NCR1: variants seen among roughly 807,000 people sequenced by gnomAD.
NCR1 encodes natural cytotoxicity triggering receptor 1, also known as NK cell-activating receptor.
Under a neutral mutation model 32.5 loss-of-function variants are expected in NCR1, and 30 were observed. The ratio of observed to expected loss-of-function variants is 0.92; its 90% CI spans 0.69 to 1.25. The LOEUF is 1.25. Among genes scored for constraint, NCR1 ranks in the 50% most tolerant of loss-of-function variants. The pLI, the probability that NCR1 is intolerant of heterozygous loss-of-function variation, is 0.00. For missense variants in NCR1, 369 were observed against 380.7 expected (o/e 0.97, Z 0.26); for synonymous variants, 169 against 143.4 (o/e 1.18, Z -1.28).
At chr19:54,935,488 G>GA in the NCR1 span, among the ~76,000 whole-genome samples, 1 of 152,092 alleles carries the variant, frequency 6.6e-6, no homozygotes, top group African/African-American at 2.4e-5. Context: ...TTGAGGTCAG[G>GA]AGTTCGAGAC....
At position 54,912,217 on chromosome 19, in the gene NCR1, A is replaced by G. The variant is rs755217346; in HGVS notation, c.732A>G (p.Lys244=). 6.2e-7 allele frequency: 1 copy of G among 1,613,784 alleles called. No individual in the cohort carries two copies. The highest frequency in any genetic ancestry group is 1.1e-5 in the South Asian group (1 of 91,072). ...YLLTTETGLQ[K]DHALWDHTAQ... ...TAACCACAGAGACGGGACTCCAGAA[A>G]GGTAAGTAGACAGCTGGGGCCATAG... The change falls in exon 6 of 7, where the codon AAA becomes AAG. Residue 244 remains lysine, a splice_region_variant and synonymous_variant. Transcript: ENST00000291890.
chr19:54,903,556 A>G (rs897528045), upstream of NCR1, among the ~76,000 whole-genome samples: 30 of 143,640 alleles, frequency 2.1e-4, 1 homozygote, highest in African/African-American at 5.5e-4. Flanking sequence ...ATGTGTGTAT[A>G]TATACATATA....
intron 5 of NCR1, among the ~76,000 whole-genome samples, chr19:54,910,690 C>T (rs1356355458): frequency 6.6e-6 from 1 of 152,160 alleles, no homozygotes; most frequent in Non-Finnish European, 1.5e-5. Context: ...CACTTAGATT[C>T]TAGCAGGAGG....
chr19:54,936,833 T>G, the NCR1 span, among the ~76,000 whole-genome samples: 2 of 151,920 alleles, frequency 1.3e-5, no homozygotes, highest in Admixed American at 6.6e-5. Flanking sequence ...GAGAATCACT[T>G]GAATCCAGGA....
the NCR1 span, among the ~76,000 whole-genome samples, chr19:54,924,212 T>C: frequency 2.6e-5 from 4 of 152,040 alleles, no homozygotes; most frequent in Admixed American, 2.6e-4. Flanking sequence ...AAGTGATCCA[T>C]CCACCTCGGC....
the NCR1 span, among the ~76,000 whole-genome samples, chr19:54,931,388 C>G: frequency 6.6e-6 from 1 of 152,022 alleles, no homozygotes; most frequent in African/African-American, 2.4e-5. Flanking sequence ...GAAACCCCAT[C>G]TTTACTAAAT....
the NCR1 span, among the ~76,000 whole-genome samples, chr19:54,937,727 G>A: frequency 6.6e-6 from 1 of 151,962 alleles, no homozygotes; most frequent in East Asian, 1.9e-4. Flanking sequence ...GTGAAAACCT[G>A]TCTGTGCTAA....
At chr19:54,904,139 AAAAAG>A (rs1429690777), upstream of NCR1, among the ~76,000 whole-genome samples, 3 of 138,324 alleles carry the variant, frequency 2.2e-5, no homozygotes, top group Non-Finnish European at 4.7e-5. Context: ...AAAAAAAAAA[AAAAAG>A]AAAGAAAAAG....
chr19:54,908,329 C>T (rs139514823), intron 3 of NCR1, among the ~76,000 whole-genome samples: 14 of 152,248 alleles, frequency 9.2e-5, no homozygotes, highest in Admixed American at 2.0e-4. Flanking sequence ...TAACAGCATC[C>T]CAAAGCAGAA....
chr19:54,923,648 G>A, the NCR1 span: 1 of 1,415,084 alleles, frequency 7.1e-7, no homozygotes. Context: ...AGACTCTAGT[G>A]TTAACATGTG....
chr19:54,933,960 T>C, the NCR1 span, among the ~76,000 whole-genome samples: 1 of 152,174 alleles, frequency 6.6e-6, no homozygotes, highest in Non-Finnish European at 1.5e-5. Flanking sequence ...GTGTTGTTTT[T>C]GAGACGGAGT....
At chr19:54,903,297 T>A (rs587703750), upstream of NCR1, among the ~76,000 whole-genome samples, 2 of 145,076 alleles carry the variant, frequency 1.4e-5, no homozygotes, top group African/African-American at 2.5e-5. Flanking sequence ...TATATACACA[T>A]ATACGTATAT....
downstream of NCR1, among the ~76,000 whole-genome samples, chr19:54,918,043 G>A (rs980173475): frequency 1.3e-5 from 2 of 151,086 alleles, no homozygotes; most frequent in Admixed American, 1.3e-4. Context: ...TGCAAGCTCC[G>A]CCTCCCGGGA....
chr19:54,900,428 C>T, the NCR1 span, among the ~76,000 whole-genome samples: 5 of 152,010 alleles, frequency 3.3e-5, no homozygotes, highest in African/African-American at 1.2e-4. Flanking sequence ...CCGGGATGAG[C>T]CAGGAGAAGG....
chr19:54,909,940 A>G, intron 4 of NCR1, 78 bp from the exon 5 acceptor site: 1 of 1,272,434 alleles, frequency 7.9e-7, no homozygotes, highest in Non-Finnish European at 1.1e-6. Context: ...ATCTCAAAAA[A>G]AAAAAAAAAA....
chr19:54,901,871 G>A (rs2067307861), upstream of NCR1, among the ~76,000 whole-genome samples: 1 of 152,182 alleles, frequency 6.6e-6, no homozygotes, highest in African/African-American at 2.4e-5. Context: ...AGGAAGCTGA[G>A]GCAAGAGAAT....
chr19:54,923,697 G>T, the NCR1 span: 1 of 1,610,284 alleles, frequency 6.2e-7, no homozygotes, highest in South Asian at 1.1e-5. Context: ...TTAGAGACCC[G>T]AATCCCGCTT....
rs2067882212 is a variant in NCR1 at position 54,910,021 on chromosome 19, A to G, written c.638A>G (p.Asp213Gly). Reference sequence around the variant, plus strand: ...TTTTCTTTATCTCCTTTTCCAGGCGACATTGAGAACACCAGCCTTGCACCT... The same window carrying G: ...TTTTCTTTATCTCCTTTTCCAGGCGGCATTGAGAACACCAGCCTTGCACCT... ...SEPVKLLVTGDIENTSLAPED... is the reference protein window; with the variant it reads ...SEPVKLLVTGGIENTSLAPED... Residue 213 changes from aspartate (D) to glycine (G), a missense_variant, in exon 5 of 7, where the codon GAC (aspartate) becomes GGC (glycine). Coordinates refer to ENST00000291890, the MANE Select transcript of NCR1 (RefSeq NM_004829.7). 6.2e-7 allele frequency: 1 copy of G among 1,612,614 alleles called. No individual in the cohort carries two copies. The highest frequency in any genetic ancestry group is 8.5e-7 in the Non-Finnish European group (1 of 1,179,454).
At chr19:54,902,793 G>A (rs2067323483), upstream of NCR1, among the ~76,000 whole-genome samples, 1 of 152,034 alleles carries the variant, frequency 6.6e-6, no homozygotes, top group African/African-American at 2.4e-5. Context: ...TGACAGCTGT[G>A]TAAGGGGAAA....
Sources: allele counts gnomAD v4.1 joint callset (sites outside exome capture counted in the v4.1 genomes callset), GRCh38; gene constraint gnomAD v4.1.1; transcripts MANE v1.5; gene names NCBI Gene and HGNC (gene_info 2026-07-23, HGNC 2026-07-21).